The following KANK1 variants were observed in gnomAD, a reference collection of about 807,000 sequenced individuals.
KANK1 encodes KN motif and ankyrin repeat domains 1.
KANK1 carries 109 observed loss-of-function variants against 106.2 expected under a neutral mutation model. The ratio of observed to expected loss-of-function variants is 1.03; its 90% confidence interval spans 0.88 to 1.20. The LOEUF (loss-of-function observed/expected upper bound fraction) is 1.20. Ranked by LOEUF, KANK1 falls within the 50% of genes most tolerant of loss-of-function variation. The probability of loss-of-function intolerance (pLI) is 0.00; values close to 1 mark genes in which losing one functional copy is unlikely to be tolerated. For missense variants in KANK1, 2,399 were observed against 1,710.7 expected (o/e 1.40, Z -7.10); for synonymous variants, 873 against 652.2 (o/e 1.34, Z -5.16).
intron 1 of KANK1, among the ~76,000 whole-genome samples, chr9:527,562 G>A (rs1221461235): frequency 1.3e-5 from 2 of 151,646 alleles, no homozygotes; most frequent in Admixed American, 6.6e-5. Flanking sequence ...CTGCCTCGCA[G>A]AGTGCTGGAA....
At chr9:660,736 A>G (rs1030090155) in intron 1 of KANK1, among the ~76,000 whole-genome samples, 1 of 152,180 alleles carries the variant, frequency 6.6e-6, no homozygotes, top group Admixed American at 6.5e-5. Context: ...GGATGGGGTA[A>G]GGCAGCAACA....
At chr9:601,509 T>C (rs1256639339) in intron 1 of KANK1, among the ~76,000 whole-genome samples, 2 of 151,880 alleles carry the variant, frequency 1.3e-5, no homozygotes, top group African/African-American at 2.4e-5. Flanking sequence ...CTTTAAGTTA[T>C]GCTTTTTTTT....
intron 1 of KANK1, among the ~76,000 whole-genome samples, chr9:639,568 CG>C (rs1302041404): frequency 6.6e-6 from 1 of 152,104 alleles, no homozygotes; most frequent in Non-Finnish European, 1.5e-5. Context: ...CTGCCCACCT[CG>C]GCCTCCCAAA....
chr9:662,773 T>C (rs1374976030), intron 1 of KANK1, among the ~76,000 whole-genome samples: 3 of 151,808 alleles, frequency 2.0e-5, no homozygotes, highest in African/African-American at 7.3e-5. Context: ...GTGATTCTCC[T>C]GCCTCAGTCT....
intron 1 of KANK1, among the ~76,000 whole-genome samples, chr9:668,492 C>G (rs1317331883): frequency 6.6e-6 from 1 of 152,086 alleles, no homozygotes; most frequent in African/African-American, 2.4e-5. Context: ...TGATAAATTT[C>G]TGAATGGAGA....
intron 3 of KANK1, among the ~76,000 whole-genome samples, chr9:725,614 A>C (rs556987824): frequency 1.7e-4 from 26 of 152,244 alleles, no homozygotes; most frequent in African/African-American, 6.3e-4. Context: ...GACCACCTGC[A>C]TCAGTGATTC....
intron 2 of KANK1, among the ~76,000 whole-genome samples, chr9:688,516 G>C (rs9407360): frequency 6.6e-6 from 1 of 151,274 alleles, no homozygotes; most frequent in Admixed American, 6.6e-5. Flanking sequence ...TGAGGCAGGA[G>C]AATAGCTTGA....
intron 1 of KANK1, among the ~76,000 whole-genome samples, chr9:542,498 A>G (rs2060663913): frequency 6.6e-6 from 1 of 152,252 alleles, no homozygotes. Context: ...TAGTATGAGT[A>G]TGGAAGTTCT....
Position 713,383 on chromosome 9 carries a change from A to C in KANK1, c.2617A>C (p.Ile873Leu). Residue 873 changes from isoleucine to leucine, a missense_variant, in exon 3 of 12, where the codon ATC (isoleucine) becomes CTC (leucine). Transcript: ENST00000382297. ...NSQLISTLSS[I>L]NSVMKSASTE... ...TCAGCTCATCAGCACCCTGTCGTCT[A>C]TCAACTCTGTCATGAAATCTGCAAG... 5.0e-6 allele frequency: 8 copies of C among 1,613,956 alleles called. No homozygotes were observed. The highest frequency in any genetic ancestry group is 6.8e-6 in the Non-Finnish European group (8 of 1,179,958).
At chr9:635,283 C>G (rs1253747347) in intron 1 of KANK1, among the ~76,000 whole-genome samples, 1 of 152,146 alleles carries the variant, frequency 6.6e-6, no homozygotes, top group Non-Finnish European at 1.5e-5. Context: ...CAGGCCTATA[C>G]CCGAGTTCGC....
rs1239424481 is a variant in KANK1 at position 514,161 on chromosome 9, T to TCCC, written c.-84+9407_-84+9408insCCC. Among the ~76,000 whole-genome samples the TCCC allele has an allele frequency of 8.3e-3, 567 of 68,630 alleles. 8 individuals carry two copies. The highest frequency in any genetic ancestry group is 0.011 in the South Asian group (15 of 1,338). The allele number at this position is 68,630 out of a possible 152,430, so 45.0% of individuals were successfully genotyped here. A position where few individuals can be genotyped will look rare whatever the true frequency, so the allele number is the denominator to read the frequency against. ...CTCCCTCCCTTCCTCTCTCCCTCCC[T>TCCC]TCCTCTCTCCCTCCCTTCCTCTCTC... On this transcript the variant is annotated intron_variant, in intron 1 of 11. Transcript: ENST00000382297.
chr9:536,647 T>C (rs2060315914), intron 1 of KANK1, among the ~76,000 whole-genome samples: 1 of 152,168 alleles, frequency 6.6e-6, no homozygotes, highest in African/African-American at 2.4e-5. Flanking sequence ...TAAAAGACTT[T>C]TTAAAAAGAC....
chr9:635,574 G>A (rs991560187), intron 1 of KANK1, among the ~76,000 whole-genome samples: 3 of 151,892 alleles, frequency 2.0e-5, no homozygotes, highest in African/African-American at 7.3e-5. Flanking sequence ...TGGAATAATA[G>A]TGTTCCCTTT....
intron 1 of KANK1, among the ~76,000 whole-genome samples, chr9:542,292 G>T (rs10975054): frequency 6.6e-6 from 1 of 152,206 alleles, no homozygotes; most frequent in African/African-American, 2.4e-5. Flanking sequence ...TTGAGGTCAG[G>T]AGTTCAAGAC....
At chr9:564,948 T>A (rs1462496959) in intron 1 of KANK1, among the ~76,000 whole-genome samples, 2 of 152,222 alleles carry the variant, frequency 1.3e-5, no homozygotes, top group East Asian at 3.8e-4. Flanking sequence ...CAGACATGGC[T>A]GTTCAGGTAA....
At chr9:613,964 C>G (rs970203192) in intron 1 of KANK1, among the ~76,000 whole-genome samples, 3 of 152,130 alleles carry the variant, frequency 2.0e-5, no homozygotes, top group Non-Finnish European at 4.4e-5. Flanking sequence ...TCTCCTTTTT[C>G]TCCTCCCCTC....
At position 738,335 on chromosome 9, in the gene KANK1, G is replaced by A. The variant is rs375640702; in HGVS notation, c.3384G>A (p.Gln1128=). The change falls in exon 8 of 12, where the codon CAG becomes CAA. Residue 1128 remains glutamine, a synonymous_variant. Coordinates refer to ENST00000382297, the MANE Select transcript of KANK1 (RefSeq NM_015158.5). Reference sequence around the variant, plus strand: ...ACGAGTGGTTCCGCGTGTCCAGTCAGAAGTCAGCCATTCCAGCCATGGTGG... The same window carrying A: ...ACGAGTGGTTCCGCGTGTCCAGTCAAAAGTCAGCCATTCCAGCCATGGTGG... The part of the protein sequence containing the change: ...LQHEWFRVSS[Q]KSAIPAMVGD... The A allele has an allele frequency of 4.3e-6, 7 of 1,614,144 alleles. No individual in the cohort carries two copies. The highest frequency in any genetic ancestry group is 1.1e-5 in the South Asian group (1 of 91,070).
In KANK1 at chr9:498,586, A is replaced by C. The variant is rs185293014; in HGVS notation, c.-362+25313A>C. ...ATGAATAAAGACTTCTTACAATTCA[A>C]TAATAAAAAGACACATAATCTAATT... On this transcript the variant is annotated intron_variant, in intron 3 of 15. Coordinates refer to the KANK1 transcript ENST00000382303. Among the ~76,000 whole-genome samples the C allele has an allele frequency of 2.5e-3, 386 of 152,354 alleles. 2 individuals carry two copies. Among genetic ancestry groups the C allele is most frequent in the African/African-American group, 9.0e-3 (376 of 41,582 alleles).
At chr9:477,480 A>C (rs1020862835) in intron 3 of KANK1, among the ~76,000 whole-genome samples, 1 of 152,342 alleles carries the variant, frequency 6.6e-6, no homozygotes, top group South Asian at 2.1e-4. Flanking sequence ...TGGTAGAGAG[A>C]AATGACCTTT....
Sources: gnomAD v4.1 joint callset for allele counts (sites outside exome capture counted in the v4.1 genomes callset) on GRCh38, gnomAD v4.1.1 for gene constraint, MANE v1.5 for transcripts, NCBI Gene and HGNC (gene_info 2026-07-23, HGNC 2026-07-21) for gene names.